Variants in OSTF1 observed in about 807,000 individuals in gnomAD.
OSTF1 encodes osteoclast stimulating factor 1.
OSTF1 carries 27 observed loss-of-function variants against 37.2 expected under a neutral mutation model. The observed-to-expected ratio is 0.73, with a 90% confidence interval of 0.54 to 1.00. The LOEUF (loss-of-function observed/expected upper bound fraction) is 1.00. OSTF1 is among the 50% of genes least tolerant of loss of function. OSTF1 has a pLI of 0.00. For synonymous variants in OSTF1, 82 were observed against 89.2 expected (o/e 0.92, Z 0.46); for missense variants, 232 against 253.8 (o/e 0.91, Z 0.58).
At position 75,099,652 on chromosome 9, in the gene OSTF1, A is replaced by G. The variant is rs190927610; in HGVS notation, c.34+10926A>G. Among the ~76,000 whole-genome samples, 585 of 151,610 alleles carry G rather than the reference A, an allele frequency of 3.9e-3. 5 individuals carry two copies. Among genetic ancestry groups the G allele is most frequent in the African/African-American group, 0.014 (568 of 41,384 alleles). On this transcript the variant is annotated intron_variant, in intron 1 of 9. Transcript: ENST00000346234. ...AGACCAGTCTGGCCAACATAGTGAA[A>G]CCCCGCCTCTACTGAAAATACAACA... is the stretch of plus-strand genomic sequence containing the variant.
chr9:75,121,111 A>G (rs545752964), intron 2 of OSTF1, among the ~76,000 whole-genome samples: 16 of 152,194 alleles, frequency 1.1e-4, no homozygotes, highest in Non-Finnish European at 2.1e-4. Context: ...TGAGGAAATT[A>G]CTGAACCTCT....
At chr9:75,095,896 C>CCT (rs1564152724) in intron 1 of OSTF1, among the ~76,000 whole-genome samples, 2 of 146,204 alleles carry the variant, frequency 1.4e-5, no homozygotes. Flanking sequence ...TGTGGCCCCC[C>CCT]TTTTTTTTTT....
chr9:75,119,041 A>G (rs72732989), intron 2 of OSTF1, among the ~76,000 whole-genome samples: 1 of 152,212 alleles, frequency 6.6e-6, no homozygotes, highest in Non-Finnish European at 1.5e-5. Flanking sequence ...GCTGTCCCCA[A>G]AGTTAGAGGC....
At chr9:75,112,305 G>A (rs960077512) in intron 1 of OSTF1, among the ~76,000 whole-genome samples, 2 of 152,092 alleles carry the variant, frequency 1.3e-5, no homozygotes, top group Non-Finnish European at 2.9e-5. Context: ...GACAAGAACA[G>A]TATCCAGGGT....
Position 75,133,296 on chromosome 9 carries a change from A to C in OSTF1, c.253A>C (p.Asn85His), listed in dbSNP as rs1305369557. The change falls in exon 6 of 10, where the codon AAC becomes CAC. Residue 85 changes from asparagine (N) to histidine (H), a missense_variant and splice_region_variant. Coordinates refer to ENST00000346234, the MANE Select transcript of OSTF1 (RefSeq NM_012383.5). Reference sequence around the variant, plus strand: ...TTGTAAATGTAAAATTCTTTCAGGCAACTTGAGCTGGTTGAGAGAGTGTTT... The same window carrying C: ...TTGTAAATGTAAAATTCTTTCAGGCCACTTGAGCTGGTTGAGAGAGTGTTT... ...NPLHEAAKRG[N>H]LSWLRECLDN... is the part of the protein sequence containing the mutation. 6.3e-7 allele frequency: 1 copy of C among 1,591,458 alleles called. No homozygotes were observed. The highest frequency in any genetic ancestry group is 8.6e-7 in the Non-Finnish European group (1 of 1,164,986).
intron 3 of OSTF1, among the ~76,000 whole-genome samples, chr9:75,128,987 G>A (rs954771148): frequency 6.6e-6 from 1 of 152,030 alleles, no homozygotes; most frequent in Non-Finnish European, 1.5e-5. Context: ...GCTTCTTTGA[G>A]AAATGGCTGG....
chr9:75,123,989 G>A (rs1415995727), intron 2 of OSTF1, among the ~76,000 whole-genome samples: 1 of 152,168 alleles, frequency 6.6e-6, no homozygotes, highest in Non-Finnish European at 1.5e-5. Flanking sequence ...GGCACTTAGT[G>A]GTCTTTCTCA....
intron 1 of OSTF1, among the ~76,000 whole-genome samples, chr9:75,098,940 A>G (rs921456494): frequency 1.3e-5 from 2 of 151,936 alleles, no homozygotes; most frequent in Non-Finnish European, 2.9e-5. Context: ...TTTTTTATTT[A>G]CTTATTTATT....
chr9:75,101,537 C>G (rs1385091076), intron 1 of OSTF1, among the ~76,000 whole-genome samples: 1 of 152,260 alleles, frequency 6.6e-6, no homozygotes, highest in African/African-American at 2.4e-5. Context: ...TGTGGAGGCT[C>G]TTGTACGTGC....
At chr9:75,102,328 T>G (rs559655177) in intron 1 of OSTF1, among the ~76,000 whole-genome samples, 1 of 152,320 alleles carries the variant, frequency 6.6e-6, no homozygotes, top group East Asian at 1.9e-4. Flanking sequence ...CACATTGATA[T>G]GTGAAATGCT....
chr9:75,109,767 C>T (rs1416814866), intron 1 of OSTF1, among the ~76,000 whole-genome samples: 3 of 152,202 alleles, frequency 2.0e-5, no homozygotes, highest in Non-Finnish European at 4.4e-5. Flanking sequence ...CATGTTAAGA[C>T]TAGTAACAAT....
At chr9:75,111,350 T>C (rs1380412104) in intron 1 of OSTF1, among the ~76,000 whole-genome samples, 2 of 152,154 alleles carry the variant, frequency 1.3e-5, no homozygotes, top group African/African-American at 4.8e-5. Context: ...AGTGTTTGGC[T>C]GATGACTAAT....
At chr9:75,120,094 T>C (rs887467868) in intron 2 of OSTF1, among the ~76,000 whole-genome samples, 1 of 152,188 alleles carries the variant, frequency 6.6e-6, no homozygotes, top group African/African-American at 2.4e-5. Flanking sequence ...CTTCAACTTA[T>C]GATGAACCCA....
intron 3 of OSTF1, among the ~76,000 whole-genome samples, chr9:75,128,391 TATATATATATATA>T (rs1825697244): frequency 9.5e-6 from 1 of 105,798 alleles, no homozygotes; most frequent in African/African-American, 3.6e-5. Context: ...TATATATATA[TATATATATATATA>T]TATTTTGTCC....
chr9:75,138,321 T>C (rs1825875095), intron 8 of OSTF1, among the ~76,000 whole-genome samples: 1 of 152,146 alleles, frequency 6.6e-6, no homozygotes, highest in Non-Finnish European at 1.5e-5. Flanking sequence ...TGATAGGAAA[T>C]GGTTTAGATT....
chr9:75,123,770 A>G (rs145872847), intron 2 of OSTF1, among the ~76,000 whole-genome samples: 306 of 152,312 alleles, frequency 2.0e-3, no homozygotes, highest in African/African-American at 7.1e-3. Flanking sequence ...TCTGGGAGCT[A>G]TGGATTAAAA....
intron 1 of OSTF1, among the ~76,000 whole-genome samples, chr9:75,099,236 A>G (rs1825146507): frequency 6.6e-6 from 1 of 151,042 alleles, no homozygotes; most frequent in Non-Finnish European, 1.5e-5. Context: ...AATAACATTT[A>G]TATATTTAAA....
At chr9:75,121,769 A>G (rs771326085) in intron 2 of OSTF1, among the ~76,000 whole-genome samples, 9 of 152,184 alleles carry the variant, frequency 5.9e-5, no homozygotes, top group Non-Finnish European at 1.3e-4. Context: ...AGGGATAGAT[A>G]CACCACAGCA....
At chr9:75,123,281 G>A (rs1825609314) in intron 2 of OSTF1, among the ~76,000 whole-genome samples, 1 of 152,170 alleles carries the variant, frequency 6.6e-6, no homozygotes, top group East Asian at 1.9e-4. Context: ...AATCAGCCGG[G>A]CGAGGTGGCA....
Sources: gnomAD v4.1 joint callset for allele counts (sites outside exome capture counted in the v4.1 genomes callset) on GRCh38, gnomAD v4.1.1 for gene constraint, MANE v1.5 for transcripts, NCBI Gene and HGNC (gene_info 2026-07-23, HGNC 2026-07-21) for gene names.